The following CDC42BPA variants were observed in gnomAD, a reference collection of about 807,000 sequenced individuals.
The protein encoded by CDC42BPA is serine/threonine-protein kinase MRCK alpha.
Under a neutral mutation model 223.5 loss-of-function variants are expected in CDC42BPA, and 80 were observed. The ratio of observed to expected loss-of-function variants is 0.36; its 90% CI spans 0.30 to 0.43. The LOEUF (loss-of-function observed/expected upper bound fraction) is 0.43, where lower values mean the gene tolerates loss of function less well. CDC42BPA is among the 20% of genes least tolerant of loss of function. The probability of loss-of-function intolerance (pLI) is 1.00; values close to 1 mark genes in which losing one functional copy is unlikely to be tolerated. For missense variants in CDC42BPA, 1,743 were observed against 2,099.9 expected (o/e 0.83, Z 3.32); for synonymous variants, 694 against 718.6 (o/e 0.97, Z 0.55).
At chr1:227,138,529 A>AAAAAAAAT (rs1406284704) in intron 10 of CDC42BPA, among the ~76,000 whole-genome samples, 5 of 151,214 alleles carry the variant, frequency 3.3e-5, no homozygotes, top group Non-Finnish European at 3.0e-5. Flanking sequence ...GAAGCCAAAA[A>AAAAAAAAT]AAAAAAAAGA....
intron 21 of CDC42BPA, among the ~76,000 whole-genome samples, chr1:227,052,379 A>G (rs566529905): frequency 6.6e-6 from 1 of 152,326 alleles, no homozygotes; most frequent in Admixed American, 6.5e-5. Context: ...TTTGTCCTTG[A>G]TAAGAATGAA....
chr1:227,135,901 A>C (rs1425528748), intron 10 of CDC42BPA, among the ~76,000 whole-genome samples: 1 of 139,674 alleles, frequency 7.2e-6, no homozygotes, highest in South Asian at 2.3e-4. Context: ...AAAAAAAAAA[A>C]AGCAATTTAG....
intron 5 of CDC42BPA, among the ~76,000 whole-genome samples, chr1:227,182,586 A>G (rs79008908): frequency 6.6e-6 from 1 of 152,352 alleles, no homozygotes; most frequent in African/African-American, 2.4e-5. Flanking sequence ...GCACAATATA[A>G]AACAAAAAAA....
At chr1:227,013,132 AATACAAAAG>A (rs1665532731) in intron 34 of CDC42BPA, among the ~76,000 whole-genome samples, 2 of 152,174 alleles carry the variant, frequency 1.3e-5, no homozygotes, top group Non-Finnish European at 1.5e-5. Flanking sequence ...TTGTCCTGGA[AATACAAAAG>A]CACTTACGTG....
chr1:227,236,881 A>G (rs1679135947), intron 2 of CDC42BPA, among the ~76,000 whole-genome samples: 1 of 151,990 alleles, frequency 6.6e-6, no homozygotes, highest in African/African-American at 2.4e-5. Flanking sequence ...CACCTCTACA[A>G]AAAATACAAA....
chr1:227,161,440 TATA>T (rs1663873513), intron 5 of CDC42BPA, among the ~76,000 whole-genome samples: 1 of 152,208 alleles, frequency 6.6e-6, no homozygotes, highest in African/African-American at 2.4e-5. Flanking sequence ...GGAGAACCTA[TATA>T]TTTTTTAAAA....
intron 3 of CDC42BPA, among the ~76,000 whole-genome samples, chr1:227,212,165 C>G (rs574213677): frequency 4.0e-5 from 6 of 150,988 alleles, no homozygotes; most frequent in Non-Finnish European, 7.4e-5. Context: ...GGTAACAGAA[C>G]AAAAGTGATT....
chr1:227,228,709 T>C (rs1300482849), intron 2 of CDC42BPA, among the ~76,000 whole-genome samples: 1 of 152,208 alleles, frequency 6.6e-6, no homozygotes, highest in Admixed American at 6.5e-5. Context: ...GTCTTGCCTA[T>C]TACAGCCATC....
chr1:227,033,318 C>T lies in CDC42BPA; in HGVS notation c.3558+16G>A. The T allele has an allele frequency of 6.5e-7, 1 of 1,534,362 alleles. No homozygotes were observed. Reference sequence around the variant, plus strand: ...AACACATAATTCAGTGATCAAATTACAGCATACACACTTACCCTAAATATA... The same window carrying T: ...AACACATAATTCAGTGATCAAATTATAGCATACACACTTACCCTAAATATA... On this transcript the variant is annotated intron_variant, in intron 27 of 36. Coordinates refer to ENST00000366766, the MANE Select transcript of CDC42BPA (RefSeq NM_001394014.1).
At position 226,994,874 on chromosome 1, in the gene CDC42BPA, A is replaced by G. The variant is rs1045247; in HGVS notation, c.5082T>C (p.Ser1694=). The change falls in exon 36 of 37, where the codon TCT becomes TCC. Residue 1694 remains serine, a synonymous_variant. Transcript: ENST00000366766. The surrounding 1 kb of genome is among the most constrained non-coding windows in gnomAD (Gnocchi z 4.0). ...MPSPSEGSLS[S]GGMDQGSDAP... is the part of the protein sequence containing the mutation. ...CATCACTTCCTTGGTCCATGCCTCC[A>G]GAGGACAAAGAGCCCTCTGACGGGG... is the stretch of plus-strand genomic sequence containing the variant. The G allele has an allele frequency of 0.81, 1,304,393 of 1,613,724 alleles. 529,692 individuals are homozygous for G. The highest frequency in any genetic ancestry group is 0.95 in the African/African-American group (71,268 of 75,018).
intron 5 of CDC42BPA, among the ~76,000 whole-genome samples, chr1:227,163,751 A>ATG (rs1664541664): frequency 6.7e-6 from 1 of 149,572 alleles, no homozygotes. Context: ...AAATATATAT[A>ATG]TATATAAAAT....
chr1:227,307,824 T>C (rs557350206), intron 1 of CDC42BPA, among the ~76,000 whole-genome samples: 23 of 152,200 alleles, frequency 1.5e-4, no homozygotes, highest in Non-Finnish European at 2.6e-4. Context: ...TTTTTCATGA[T>C]GATTTTAACC....
chr1:227,112,142 TAAG>T (rs2149386701), intron 14 of CDC42BPA, 167 bp downstream of exon 14: 1 of 426,374 alleles, frequency 2.3e-6, no homozygotes, highest in East Asian at 3.5e-5. Flanking sequence ...TCAGCATAAT[TAAG>T]AAATCTGTAT....
chr1:227,110,766 T>A (rs1410431248), intron 14 of CDC42BPA, among the ~76,000 whole-genome samples: 1 of 152,174 alleles, frequency 6.6e-6, no homozygotes, highest in Non-Finnish European at 1.5e-5. Flanking sequence ...CATCTCTACT[T>A]CGTAAAGCTA....
intron 21 of CDC42BPA, among the ~76,000 whole-genome samples, chr1:227,062,519 A>G (rs1676124938): frequency 6.6e-6 from 1 of 152,114 alleles, no homozygotes; most frequent in Non-Finnish European, 1.5e-5. Context: ...GGCAGGAAAT[A>G]TTGTATTATG....
At chr1:227,277,719 A>G (rs1687344621) in intron 1 of CDC42BPA, among the ~76,000 whole-genome samples, 1 of 152,196 alleles carries the variant, frequency 6.6e-6, no homozygotes, top group Non-Finnish European at 1.5e-5. Flanking sequence ...AATCTCTTAG[A>G]AAACTAGGAA....
At chr1:227,186,505 G>T (rs748694443) in intron 5 of CDC42BPA, among the ~76,000 whole-genome samples, 1 of 152,116 alleles carries the variant, frequency 6.6e-6, no homozygotes, top group Admixed American at 6.6e-5. Context: ...AACTAAGCAG[G>T]AAGGCAGGAA....
intron 30 of CDC42BPA, among the ~76,000 whole-genome samples, chr1:227,027,183 CAAT>C (rs886820960): frequency 2.0e-5 from 3 of 152,112 alleles, no homozygotes; most frequent in African/African-American, 4.8e-5. Flanking sequence ...AAAACAACAA[CAAT>C]AACAACAAAA....
chr1:227,076,258 CTTATT>C (rs1038301114), intron 17 of CDC42BPA, among the ~76,000 whole-genome samples: 8 of 152,074 alleles, frequency 5.3e-5, no homozygotes, highest in African/African-American at 1.9e-4. Flanking sequence ...ATCTTTCTCT[CTTATT>C]TATTTATTTT....
Sources: allele counts gnomAD v4.1 joint callset (sites outside exome capture counted in the v4.1 genomes callset), GRCh38; gene constraint gnomAD v4.1.1; non-coding constraint Gnocchi (gnomAD v3.1); transcripts MANE v1.5; gene names NCBI Gene and HGNC (gene_info 2026-07-23, HGNC 2026-07-21).